The following PAWR variants were observed in gnomAD, a reference collection of about 807,000 sequenced individuals.
The protein encoded by PAWR is PRKC apoptosis WT1 regulator protein.
In PAWR, 23 loss-of-function variants were observed where a neutral mutation model predicts 32.0. The observed-to-expected ratio is 0.72, with a 90% confidence interval of 0.52 to 1.02. The LOEUF (loss-of-function observed/expected upper bound fraction) is 1.02, where lower values mean the gene tolerates loss of function less well. Among genes scored for constraint, PAWR ranks in the 50% least tolerant of loss-of-function variants. PAWR has a pLI of 0.00. For synonymous variants in PAWR, 226 were observed against 187.1 expected (o/e 1.21, Z -1.70); for missense variants, 457 against 437.7 (o/e 1.04, Z -0.39).
At chr12:79,650,874 A>C (rs577313561) in intron 2 of PAWR, among the ~76,000 whole-genome samples, 26 of 152,348 alleles carry the variant, frequency 1.7e-4, no homozygotes, top group African/African-American at 5.8e-4. Context: ...ATTATCCTTC[A>C]AAGGCAGACC....
intron 2 of PAWR, among the ~76,000 whole-genome samples, chr12:79,640,294 C>CA (rs1371220839): frequency 3.9e-5 from 6 of 152,046 alleles, no homozygotes; most frequent in Admixed American, 3.9e-4. Flanking sequence ...CTAAATCCTC[C>CA]ACTTCTCTCC....
intron 4 of PAWR, among the ~76,000 whole-genome samples, chr12:79,609,592 A>T (rs1054134639): frequency 5.3e-5 from 8 of 152,072 alleles, no homozygotes; most frequent in African/African-American, 1.9e-4. Context: ...GAAGAGGAGA[A>T]GCAGTTTGAC....
intron 2 of PAWR, among the ~76,000 whole-genome samples, chr12:79,628,529 A>G (rs1482325749): frequency 6.6e-6 from 1 of 152,206 alleles, no homozygotes; most frequent in Non-Finnish European, 1.5e-5. Flanking sequence ...CACTAAAAAG[A>G]AAAATCTGTC....
At chr12:79,624,859 C>T (rs142336904) in intron 2 of PAWR, among the ~76,000 whole-genome samples, 128 of 152,174 alleles carry the variant, frequency 8.4e-4, no homozygotes, top group African/African-American at 2.9e-3. Context: ...GTTTTTTACA[C>T]GCTCTAAGAA....
At chr12:79,670,292 CTGGT>C (rs1592547201) in intron 2 of PAWR, among the ~76,000 whole-genome samples, 1 of 152,046 alleles carries the variant, frequency 6.6e-6, no homozygotes, top group East Asian at 1.9e-4. Flanking sequence ...ATAGAAAAGG[CTGGT>C]TGGTTGGTTG....
chr12:79,608,049 C>CA (rs202174917), intron 4 of PAWR, among the ~76,000 whole-genome samples: 1,596 of 75,784 alleles, frequency 0.021, 18 homozygotes, highest in African/African-American at 0.054. Context: ...AACTCGGACT[C>CA]AAAAAAAAAA....
At chr12:79,655,154 G>C (rs1877037840) in intron 2 of PAWR, among the ~76,000 whole-genome samples, 2 of 152,202 alleles carry the variant, frequency 1.3e-5, no homozygotes. Flanking sequence ...AGAATAGAAT[G>C]TCAGGCCTTT....
chr12:79,607,959 G>T (rs1033064345), intron 4 of PAWR, among the ~76,000 whole-genome samples: 21 of 151,024 alleles, frequency 1.4e-4, no homozygotes, highest in African/African-American at 5.1e-4. Flanking sequence ...TGAGGCAGGA[G>T]AATCACTTGA....
At chr12:79,679,835 A>C (rs1156615482) in intron 2 of PAWR, among the ~76,000 whole-genome samples, 5 of 152,214 alleles carry the variant, frequency 3.3e-5, no homozygotes, top group Non-Finnish European at 7.3e-5. Flanking sequence ...GTAATTTTTA[A>C]TGCCAATGAA....
chr12:79,650,193 G>T (rs1367689649), intron 2 of PAWR, among the ~76,000 whole-genome samples: 1 of 152,106 alleles, frequency 6.6e-6, no homozygotes, highest in African/African-American at 2.4e-5. Context: ...AAACAATGAG[G>T]TTAGATCTAT....
chr12:79,616,831 C>T (rs899419026), intron 3 of PAWR, among the ~76,000 whole-genome samples: 57 of 152,140 alleles, frequency 3.7e-4, no homozygotes, highest in African/African-American at 1.2e-3. Context: ...CCACATACTA[C>T]GTTGGTACGA....
chr12:79,679,664 G>A (rs552794952), intron 2 of PAWR, among the ~76,000 whole-genome samples: 1 of 152,306 alleles, frequency 6.6e-6, no homozygotes, highest in East Asian at 1.9e-4. Flanking sequence ...GCCAGGAGCA[G>A]TGGGGGATAT....
At chr12:79,646,114 G>A (rs1434088878) in intron 2 of PAWR, among the ~76,000 whole-genome samples, 1 of 152,086 alleles carries the variant, frequency 6.6e-6, no homozygotes, top group Admixed American at 6.6e-5. Context: ...CATTGATTGA[G>A]CATCCCTAAT....
intron 2 of PAWR, chr12:79,635,499 C>T (rs1592519178): frequency 6.6e-6 from 1 of 152,098 alleles, no homozygotes; most frequent in Admixed American, 6.6e-5. Context: ...AATGTTGAGT[C>T]AGCCAGCAGG....
intron 2 of PAWR, among the ~76,000 whole-genome samples, chr12:79,623,977 T>C (rs1422081685): frequency 1.3e-5 from 2 of 152,128 alleles, no homozygotes; most frequent in African/African-American, 2.4e-5. Flanking sequence ...GTCAATCATT[T>C]AATGAACAGT....
chr12:79,631,430 A>C (rs1342024176), intron 2 of PAWR, among the ~76,000 whole-genome samples: 1 of 152,220 alleles, frequency 6.6e-6, no homozygotes, highest in Non-Finnish European at 1.5e-5. Flanking sequence ...TTAAGGACTT[A>C]TTTAAAAACA....
chr12:79,654,160 T>C (rs752238988), intron 2 of PAWR, among the ~76,000 whole-genome samples: 9 of 152,176 alleles, frequency 5.9e-5, no homozygotes, highest in Non-Finnish European at 1.3e-4. Context: ...GAAAAACCAA[T>C]TAGCCTTATG....
chr12:79,596,430 T>C (rs8176902), intron 5 of PAWR, 81 bp downstream of exon 5: 7,356 of 685,814 alleles, frequency 0.011, 64 homozygotes, highest in Non-Finnish European at 0.015. Context: ...TATTATTTCC[T>C]TTCTCACTCA....
chr12:79,686,648 G>T (rs893138205), intron 2 of PAWR, among the ~76,000 whole-genome samples: 4 of 152,032 alleles, frequency 2.6e-5, no homozygotes, highest in African/African-American at 4.8e-5. Flanking sequence ...CTGCATGTCG[G>T]TACTTAATAT....
Sources: gnomAD v4.1 joint callset for allele counts (sites outside exome capture counted in the v4.1 genomes callset) on GRCh38, gnomAD v4.1.1 for gene constraint, MANE v1.5 for transcripts, NCBI Gene and HGNC (gene_info 2026-07-23, HGNC 2026-07-21) for gene names.